The following FCHSD2 variants were observed in gnomAD, a reference collection of about 807,000 sequenced individuals.
FCHSD2 encodes the protein FCH and double SH3 domains 2, also known as F-BAR and double SH3 domains protein 2.
FCHSD2 carries 38 observed loss-of-function variants against 108.1 expected under a neutral mutation model. That is an observed-to-expected ratio of 0.35 (90% confidence interval 0.27 to 0.46). FCHSD2 has a LOEUF of 0.46. Among genes scored for constraint, FCHSD2 ranks in the 20% least tolerant of loss-of-function variants. The pLI is 1.00. For synonymous variants in FCHSD2, 279 were observed against 314.7 expected (o/e 0.89, Z 1.20); for missense variants, 751 against 897.8 (o/e 0.84, Z 2.09).
chr11:72,988,134 G>C (rs575782584), intron 6 of FCHSD2, among the ~76,000 whole-genome samples: 58 of 152,234 alleles, frequency 3.8e-4, no homozygotes, highest in Non-Finnish European at 4.4e-4. Flanking sequence ...TGGTCTGTTT[G>C]TACAGGTGTT....
At chr11:72,854,638 A>C (rs1861375396) in intron 13 of FCHSD2, among the ~76,000 whole-genome samples, 1 of 152,196 alleles carries the variant, frequency 6.6e-6, no homozygotes. Flanking sequence ...CACATGCTAC[A>C]TATGACATGG....
At chr11:73,042,267 C>T (rs1337157852) in intron 3 of FCHSD2, among the ~76,000 whole-genome samples, 1 of 152,092 alleles carries the variant, frequency 6.6e-6, no homozygotes. Context: ...GGTCATTCTT[C>T]CGCATATGGA....
At chr11:72,966,272 G>C (rs2135379085) in intron 8 of FCHSD2, among the ~76,000 whole-genome samples, 1 of 150,954 alleles carries the variant, frequency 6.6e-6, no homozygotes, top group East Asian at 2.0e-4. Flanking sequence ...CAATTCTCCT[G>C]TCTCAGCCTC....
intron 3 of FCHSD2, among the ~76,000 whole-genome samples, chr11:73,062,943 C>G (rs1167894669): frequency 6.6e-6 from 1 of 152,132 alleles, no homozygotes; most frequent in Admixed American, 6.5e-5. Flanking sequence ...TAGAACACCA[C>G]AAAGATACTC....
intron 12 of FCHSD2, among the ~76,000 whole-genome samples, chr11:72,871,462 A>G (rs542684931): frequency 9.7e-4 from 148 of 152,320 alleles, no homozygotes; most frequent in Non-Finnish European, 1.6e-3. Context: ...CACATATGCA[A>G]GTGGTGATCT....
At chr11:73,022,604 G>T (rs1337009632) in intron 3 of FCHSD2, among the ~76,000 whole-genome samples, 1 of 152,116 alleles carries the variant, frequency 6.6e-6, no homozygotes, top group Non-Finnish European at 1.5e-5. Context: ...AATCTAAATG[G>T]ATGGAGAGAC....
At chr11:73,012,057 C>T (rs548742695) in intron 4 of FCHSD2, among the ~76,000 whole-genome samples, 41 of 152,230 alleles carry the variant, frequency 2.7e-4, no homozygotes, top group African/African-American at 9.4e-4. Flanking sequence ...TTTCAGTGTA[C>T]AAAAATATAC....
chr11:73,038,499 C>T (rs1448220479), intron 3 of FCHSD2, among the ~76,000 whole-genome samples: 2 of 152,226 alleles, frequency 1.3e-5, no homozygotes, highest in African/African-American at 2.4e-5. Context: ...ACATATACAG[C>T]GTGGATACTA....
At chr11:73,139,344 A>G (rs1861193417) in intron 2 of FCHSD2, among the ~76,000 whole-genome samples, 1 of 152,222 alleles carries the variant, frequency 6.6e-6, no homozygotes, top group Non-Finnish European at 1.5e-5. Flanking sequence ...CATGCAAATC[A>G]TCTTCCATTC....
chr11:72,879,634 G>A (rs1855039077), intron 12 of FCHSD2, among the ~76,000 whole-genome samples: 1 of 152,062 alleles, frequency 6.6e-6, no homozygotes, highest in Non-Finnish European at 1.5e-5. Context: ...TTCACAAGAT[G>A]GCCTTAACAG....
chr11:72,980,695 AT>A (rs1444097562), intron 8 of FCHSD2, among the ~76,000 whole-genome samples: 6 of 143,680 alleles, frequency 4.2e-5, no homozygotes, highest in South Asian at 2.2e-4. Context: ...ATATATATAT[AT>A]AATGTATGTA....
intron 13 of FCHSD2, among the ~76,000 whole-genome samples, chr11:72,861,975 G>T (rs1017152059): frequency 3.3e-5 from 5 of 151,520 alleles, no homozygotes; most frequent in Non-Finnish European, 5.9e-5. Context: ...CCCAAGTGGG[G>T]TTTACCAGGA....
intron 2 of FCHSD2, among the ~76,000 whole-genome samples, chr11:73,092,014 G>A (rs892989230): frequency 1.3e-5 from 2 of 152,020 alleles, no homozygotes; most frequent in Admixed American, 6.6e-5. Context: ...CAGCCTGGGC[G>A]ACAGAATGAG....
intron 3 of FCHSD2, among the ~76,000 whole-genome samples, chr11:73,080,024 G>A (rs1565400462): frequency 2.0e-5 from 3 of 151,978 alleles, no homozygotes; most frequent in African/African-American, 4.8e-5. Flanking sequence ...TCAGCCAGGC[G>A]CGGTAGCTCA....
chr11:73,014,556 T>C (rs1271591240), intron 4 of FCHSD2, among the ~76,000 whole-genome samples: 7 of 152,212 alleles, frequency 4.6e-5, no homozygotes, highest in Non-Finnish European at 7.3e-5. Context: ...TCTTATCATA[T>C]ATCCTTCAGT....
intron 3 of FCHSD2, among the ~76,000 whole-genome samples, chr11:73,069,801 C>T (rs1299546187): frequency 6.6e-6 from 1 of 152,042 alleles, no homozygotes; most frequent in Non-Finnish European, 1.5e-5. Flanking sequence ...TAACAAATAA[C>T]AAATGACTCT....
chr11:73,028,747 T>C (rs556668263), intron 3 of FCHSD2, among the ~76,000 whole-genome samples: 6 of 152,088 alleles, frequency 3.9e-5, no homozygotes, highest in South Asian at 4.2e-4. Flanking sequence ...TGGGAGGAGA[T>C]TGGATCATGA....
chr11:72,902,617 G>T lies in FCHSD2; in HGVS notation c.850C>A (p.Gln284Lys), dbSNP rs760045838. 1.3e-6 allele frequency: 2 copies of T among 1,575,386 alleles called. No homozygotes were observed. The highest frequency in any genetic ancestry group is 2.3e-5 in the East Asian group (1 of 43,608). Reference protein sequence around the residue: ...SSKVVRDYNLQLFLQENAVFH... With the variant: ...SSKVVRDYNLKLFLQENAVFH... ...ACAGCGTTTTCTTGCAAAAACAGCT[G>T]AAGATTGTAGTCCCGGACCACCTAA... Residue 284 changes from glutamine to lysine, a missense_variant, in exon 10 of 20, where the codon CAG (glutamine) becomes AAG (lysine). Transcript: ENST00000409418.
At chr11:72,959,018 T>C (rs1856770249) in intron 8 of FCHSD2, among the ~76,000 whole-genome samples, 1 of 151,870 alleles carries the variant, frequency 6.6e-6, no homozygotes, top group Non-Finnish European at 1.5e-5. Flanking sequence ...TGTGTGTGTG[T>C]GTGTGTGTAC....
Sources: allele counts gnomAD v4.1 joint callset (sites outside exome capture counted in the v4.1 genomes callset), GRCh38; gene constraint gnomAD v4.1.1; transcripts MANE v1.5; gene names NCBI Gene and HGNC (gene_info 2026-07-23, HGNC 2026-07-21).